The following PDZD2 variants were observed in gnomAD, a reference collection of about 807,000 sequenced individuals.
PDZD2 encodes PDZ domain-containing protein 2.
Under a neutral mutation model 220.7 loss-of-function variants are expected in PDZD2, and 90 were observed. That is an observed-to-expected ratio of 0.41 (90% CI 0.34 to 0.49). PDZD2 has a LOEUF of 0.49. PDZD2 is among the 20% of genes least tolerant of loss of function. PDZD2 has a pLI of 0.28. For missense variants in PDZD2, 3,174 were observed against 3,608.5 expected (o/e 0.88, Z 3.08); for synonymous variants, 1,375 against 1,450.5 (o/e 0.95, Z 1.18).
chr5:32,021,614 C>A (rs2112140191), intron 6 of PDZD2, among the ~76,000 whole-genome samples: 1 of 152,242 alleles, frequency 6.6e-6, no homozygotes, highest in African/African-American at 2.4e-5. Context: ...CAGAGACTTT[C>A]TAACTCCTCC....
intron 5 of PDZD2, among the ~76,000 whole-genome samples, chr5:32,007,734 C>A (rs1228818241): frequency 6.6e-6 from 1 of 152,166 alleles, no homozygotes; most frequent in African/African-American, 2.4e-5. Context: ...GTGGAAATGG[C>A]CAACGCAAAG....
chr5:31,938,617 G>A (rs1221223964), intron 2 of PDZD2, among the ~76,000 whole-genome samples: 2 of 88,332 alleles, frequency 2.3e-5, no homozygotes, highest in Admixed American at 1.1e-4. Context: ...ACTGAATGCT[G>A]GCTAGACTTC....
At chr5:31,986,098 ATTGAAC>A (rs1402919624) in intron 3 of PDZD2, among the ~76,000 whole-genome samples, 1 of 148,100 alleles carries the variant, frequency 6.8e-6, no homozygotes, top group Non-Finnish European at 1.5e-5. Context: ...AAAAAAAAAA[ATTGAAC>A]TTCTGGAGTC....
chr5:32,074,487 C>T lies in PDZD2; in HGVS notation c.3381C>T (p.His1127=), dbSNP rs560282109. The T allele has an allele frequency of 6.2e-6, 10 of 1,614,142 alleles. No homozygotes were observed. In the South Asian group the frequency reaches 9.9e-5, roughly 16 times the overall value. ...RHRPVARVSP[H]CKRSEAEAKP... ...GACCAGTGGCCAGGGTAAGCCCCCA[C>T]TGCAAGAGATCCGAGGCTGAGGCCA... is the stretch of plus-strand genomic sequence containing the variant. The change falls in exon 18 of 25, where the codon CAC becomes CAT. Residue 1127 remains histidine, a synonymous_variant. Transcript: ENST00000438447.
chr5:31,876,067 GTCTTC>G (rs1326765673), intron 2 of PDZD2, among the ~76,000 whole-genome samples: 4 of 152,032 alleles, frequency 2.6e-5, no homozygotes, highest in East Asian at 1.9e-4. Flanking sequence ...TTAAAATGTT[GTCTTC>G]TCTTCTCCAT....
At chr5:32,048,195 A>T (rs773402046) in intron 7 of PDZD2, among the ~76,000 whole-genome samples, 1 of 152,238 alleles carries the variant, frequency 6.6e-6, no homozygotes, top group Non-Finnish European at 1.5e-5. Context: ...ACAAAATGAT[A>T]TTCCTCCATC....
At chr5:31,883,538 T>C (rs1426792719) in intron 2 of PDZD2, among the ~76,000 whole-genome samples, 2 of 151,982 alleles carry the variant, frequency 1.3e-5, no homozygotes, top group Admixed American at 1.3e-4. Context: ...TACTTTTTCT[T>C]TGAAAGAAAA....
At chr5:31,643,594 C>G (rs1745027458) in intron 1 of PDZD2, among the ~76,000 whole-genome samples, 1 of 152,176 alleles carries the variant, frequency 6.6e-6, no homozygotes. Flanking sequence ...GTTGCTTGAT[C>G]TGGGGAACTC....
In PDZD2 at chr5:32,101,690, A is replaced by T. The variant is rs1458814499; in HGVS notation, c.8353+451A>T. Reference sequence around the variant, plus strand: ...TTGACTTAAAATACTACACTTGTAAATGCTAGACTGCAAGAAAGGAATACA... The same window carrying T: ...TTGACTTAAAATACTACACTTGTAATTGCTAGACTGCAAGAAAGGAATACA... On this transcript the variant is annotated intron_variant, in intron 24 of 24. Transcript: ENST00000438447. Among the ~76,000 whole-genome samples, 10 of 152,246 alleles carry T rather than the reference A, an allele frequency of 6.6e-5. 1 individual carries two copies. The highest frequency in any genetic ancestry group is 6.5e-4 in the Admixed American group (10 of 15,284).
intron 7 of PDZD2, among the ~76,000 whole-genome samples, chr5:32,042,416 A>G (rs1581359491): frequency 6.7e-6 from 1 of 148,982 alleles, no homozygotes; most frequent in African/African-American, 2.5e-5. Flanking sequence ...ACAAAAAAAA[A>G]AAAAAAATTA....
intron 2 of PDZD2, among the ~76,000 whole-genome samples, chr5:31,921,762 T>TA (rs994800205): frequency 2.6e-5 from 4 of 152,330 alleles, no homozygotes; most frequent in African/African-American, 9.6e-5. Flanking sequence ...TCTTGCTACT[T>TA]AGATTATGAA....
chr5:31,797,889 C>A (rs186149709), intron 1 of PDZD2, among the ~76,000 whole-genome samples: 1 of 152,086 alleles, frequency 6.6e-6, no homozygotes, highest in East Asian at 1.9e-4. Context: ...TTGGATGGCA[C>A]GGTTTATATT....
chr5:31,802,913 C>CT (rs1754480235), intron 2 of PDZD2, among the ~76,000 whole-genome samples: 1 of 99,836 alleles, frequency 1.0e-5, no homozygotes, highest in South Asian at 3.6e-4. Context: ...GAGCAAGACT[C>CT]TGTCTCAAAA....
intron 1 of PDZD2, among the ~76,000 whole-genome samples, chr5:31,750,160 C>T (rs1750858781): frequency 6.6e-6 from 1 of 152,174 alleles, no homozygotes; most frequent in South Asian, 2.1e-4. Flanking sequence ...GCCAGTTTGC[C>T]ATCTCTAGCG....
intron 2 of PDZD2, among the ~76,000 whole-genome samples, chr5:31,813,993 C>T (rs1344847717): frequency 2.0e-5 from 3 of 152,064 alleles, no homozygotes; most frequent in Admixed American, 6.6e-5. Context: ...CGTGGTGAAA[C>T]CCCATCTCTA....
At chr5:31,747,292 C>T (rs972798864) in intron 1 of PDZD2, among the ~76,000 whole-genome samples, 1 of 152,062 alleles carries the variant, frequency 6.6e-6, no homozygotes, top group African/African-American at 2.4e-5. Context: ...CATGGATAGT[C>T]ATGGAGAAAT....
At chr5:32,068,721 G>T (rs1740448342) in intron 14 of PDZD2, among the ~76,000 whole-genome samples, 1 of 152,122 alleles carries the variant, frequency 6.6e-6, no homozygotes. Context: ...TAGTATCATG[G>T]TTATTTAAAA....
intron 2 of PDZD2, among the ~76,000 whole-genome samples, chr5:31,833,896 A>G (rs369453644): frequency 1.3e-4 from 20 of 152,292 alleles, no homozygotes; most frequent in South Asian, 4.1e-4. Flanking sequence ...TGGCCCATCA[A>G]CCTGTACCCT....
chr5:31,678,549 C>A (rs574856549), intron 1 of PDZD2, among the ~76,000 whole-genome samples: 4 of 152,074 alleles, frequency 2.6e-5, no homozygotes, highest in East Asian at 1.9e-4. Context: ...AGCCTGGGGA[C>A]GTCAGTCTCT....
Sources: allele counts gnomAD v4.1 joint callset (sites outside exome capture counted in the v4.1 genomes callset), GRCh38; gene constraint gnomAD v4.1.1; transcripts MANE v1.5; gene names NCBI Gene and HGNC (gene_info 2026-07-23, HGNC 2026-07-21).